PDE4D: variants seen among roughly 807,000 people sequenced by gnomAD.
PDE4D encodes the protein 3',5'-cyclic-AMP phosphodiesterase 4D.
A neutral mutation model predicts 87.4 loss-of-function variants in PDE4D; 24 were observed. That is an observed-to-expected ratio of 0.27 (90% confidence interval 0.20 to 0.39). The LOEUF (loss-of-function observed/expected upper bound fraction) is 0.39, where lower values mean the gene tolerates loss of function less well. Among genes scored for constraint, PDE4D ranks in the 10% least tolerant of loss-of-function variants. The probability of loss-of-function intolerance (pLI) is 1.00; values close to 1 mark genes in which losing one functional copy is unlikely to be tolerated. For missense variants in PDE4D, 714 were observed against 1,041.0 expected, an observed-to-expected ratio of 0.69 and a Z score of 4.32; for synonymous variants, 384 against 383.2, an observed-to-expected ratio of 1.00 and a Z score of -0.02.
chr5:60,105,481 G>A (rs1391461248), intron 2 of PDE4D, among the ~76,000 whole-genome samples: 1 of 152,068 alleles, frequency 6.6e-6, no homozygotes, highest in Non-Finnish European at 1.5e-5. Context: ...AGCAAGGCAG[G>A]CCAACATTCA....
chr5:60,479,146 C>T (rs1268169938), intron 1 of PDE4D, among the ~76,000 whole-genome samples: 1 of 151,990 alleles, frequency 6.6e-6, no homozygotes, highest in South Asian at 2.1e-4. Context: ...AATCTTACAG[C>T]GTTGGGGAGG....
At chr5:60,173,056 A>G (rs933566740) in intron 2 of PDE4D, among the ~76,000 whole-genome samples, 1 of 152,116 alleles carries the variant, frequency 6.6e-6, no homozygotes, top group Non-Finnish European at 1.5e-5. Flanking sequence ...AACTGTGAGG[A>G]TAGCTATAAA....
intron 2 of PDE4D, among the ~76,000 whole-genome samples, chr5:60,092,538 T>C (rs978323498): frequency 6.6e-6 from 1 of 151,820 alleles, no homozygotes; most frequent in East Asian, 1.9e-4. Context: ...TATAAAAATA[T>C]CACATGTACC....
intron 3 of PDE4D, among the ~76,000 whole-genome samples, chr5:59,968,732 C>G (rs929030692): frequency 6.6e-6 from 1 of 152,018 alleles, no homozygotes; most frequent in Non-Finnish European, 1.5e-5. Context: ...GATATTTGAT[C>G]TTGGTTCTTT....
At chr5:59,656,605 G>A (rs1315695154) in intron 1 of PDE4D, among the ~76,000 whole-genome samples, 2 of 152,176 alleles carry the variant, frequency 1.3e-5, no homozygotes, top group African/African-American at 2.4e-5. Context: ...CAGCATAGGA[G>A]GATGTGGGCA....
intron 1 of PDE4D, among the ~76,000 whole-genome samples, chr5:59,465,384 A>C (rs1444128594): frequency 6.6e-6 from 1 of 152,140 alleles, no homozygotes; most frequent in Non-Finnish European, 1.5e-5. Context: ...GCACATACAC[A>C]TATGTGCACA....
upstream of PDE4D, among the ~76,000 whole-genome samples, chr5:59,895,481 C>A (rs1246467331): frequency 1.3e-5 from 2 of 152,208 alleles, no homozygotes; most frequent in African/African-American, 4.8e-5. Flanking sequence ...TTAAACCATA[C>A]TTTACAAAGG....
intron 6 of PDE4D, among the ~76,000 whole-genome samples, chr5:59,024,200 C>CTTTTT (rs566593585): frequency 3.9e-4 from 45 of 114,854 alleles, no homozygotes; most frequent in Non-Finnish European, 4.8e-4. Context: ...CTGAATTCTA[C>CTTTTT]TTTTTTTTTT....
At chr5:60,016,412 G>C (rs968721009) in intron 2 of PDE4D, among the ~76,000 whole-genome samples, 5 of 152,058 alleles carry the variant, frequency 3.3e-5, no homozygotes, top group African/African-American at 4.8e-5. Flanking sequence ...TGAAGGTTGG[G>C]GTGGCTATGT....
At chr5:58,978,749 T>C (rs1412116255) in intron 11 of PDE4D, among the ~76,000 whole-genome samples, 1 of 152,150 alleles carries the variant, frequency 6.6e-6, no homozygotes, top group African/African-American at 2.4e-5. Flanking sequence ...TTTTTTGTTA[T>C]TTTTTGTTTT....
At chr5:59,303,171 G>A (rs1770610999) in intron 1 of PDE4D, among the ~76,000 whole-genome samples, 1 of 152,006 alleles carries the variant, frequency 6.6e-6, no homozygotes, top group Non-Finnish European at 1.5e-5. Context: ...ATGTTTGCTT[G>A]CCATTTGTAT....
chr5:59,577,453 G>C (rs2153698649), intron 1 of PDE4D, among the ~76,000 whole-genome samples: 1 of 152,190 alleles, frequency 6.6e-6, no homozygotes, highest in East Asian at 1.9e-4. Context: ...GAACAATTAT[G>C]CCTGAATAAG....
intron 5 of PDE4D, among the ~76,000 whole-genome samples, chr5:59,132,527 T>G (rs1280733034): frequency 6.6e-6 from 1 of 152,206 alleles, no homozygotes; most frequent in Admixed American, 6.5e-5. Context: ...TATTCAATGG[T>G]ATAATATTTC....
chr5:59,251,109 T>C (rs1374242998), intron 1 of PDE4D, among the ~76,000 whole-genome samples: 1 of 152,038 alleles, frequency 6.6e-6, no homozygotes, highest in African/African-American at 2.4e-5. Context: ...ATCCTGAACA[T>C]AGCAGCAGGC....
rs537407439 is a variant in PDE4D at position 59,731,513 on chromosome 5, A to G, written c.455+161655T>C. Reference sequence around the variant, plus strand: ...TTCCACAAGACCAACAAACCCTTAGATGATTCAACCATTGTTAGTTTTCTA... The same window carrying G: ...TTCCACAAGACCAACAAACCCTTAGGTGATTCAACCATTGTTAGTTTTCTA... On this transcript the variant is annotated intron_variant, in intron 1 of 14. Coordinates refer to ENST00000340635, the MANE Select transcript of PDE4D (RefSeq NM_001104631.2). 2.0e-5 allele frequency among the ~76,000 whole-genome samples: 3 copies of G among 152,256 alleles called. No homozygotes were observed. In the South Asian group the frequency reaches 6.2e-4, roughly 32 times the overall value.
intron 1 of PDE4D, among the ~76,000 whole-genome samples, chr5:59,426,791 TA>T (rs113359251): frequency 0.069 from 10,439 of 151,202 alleles, 1,182 homozygotes; most frequent in African/African-American, 0.23. Flanking sequence ...CCATTTTGAT[TA>T]AAAAAAAATG....
chr5:60,049,160 G>T (rs935059385), intron 2 of PDE4D, among the ~76,000 whole-genome samples: 1 of 151,948 alleles, frequency 6.6e-6, no homozygotes, highest in African/African-American at 2.4e-5. Flanking sequence ...GATTGCATCA[G>T]CTCCTGAGGC....
At chr5:58,976,305 G>C (rs1321120182) in intron 13 of PDE4D, 45 bp downstream of exon 13, 6 of 1,600,440 alleles carry the variant, frequency 3.7e-6, no homozygotes, top group Non-Finnish European at 5.1e-6. Context: ...ATGTGCACAT[G>C]TGCACAGACA....
chr5:59,225,439 T>C (rs1753552748), intron 1 of PDE4D, among the ~76,000 whole-genome samples: 1 of 152,116 alleles, frequency 6.6e-6, no homozygotes, highest in African/African-American at 2.4e-5. Flanking sequence ...AAGTGTGAGA[T>C]CTCCAGATAT....
Sources: gnomAD v4.1 joint callset for allele counts (sites outside exome capture counted in the v4.1 genomes callset) on GRCh38, gnomAD v4.1.1 for gene constraint, MANE v1.5 for transcripts, NCBI Gene and HGNC (gene_info 2026-07-23, HGNC 2026-07-21) for gene names.